Variants in SETD2 observed in about 807,000 individuals in gnomAD.
SETD2 encodes the protein SET domain containing 2, histone lysine methyltransferase.
SETD2 carries 31 observed loss-of-function variants against 242.1 expected under a neutral mutation model. The ratio of observed to expected loss-of-function variants is 0.13; its 90% CI spans 0.10 to 0.17. SETD2 has a LOEUF of 0.17. Among genes scored for constraint, SETD2 ranks in the 10% least tolerant of loss-of-function variants. SETD2 has a pLI of 1.00. For missense variants in SETD2, 2,481 were observed against 3,046.3 expected, an observed-to-expected ratio of 0.81 and a Z score of 4.37; for synonymous variants, 1,006 against 1,066.5, an observed-to-expected ratio of 0.94 and a Z score of 1.11.
rs2038030147 is a variant in SETD2 at position 47,017,465 on chromosome 3, TGTC to T, written c.7533+170_7533+172del. ...TGAAAATTTCTTAGAGAACTACTGCTGTCATGTAAGGTACGCATCCCTCCCCAA... is the reference window on the plus strand; with the variant it reads ...TGAAAATTTCTTAGAGAACTACTGCTATGTAAGGTACGCATCCCTCCCCAA... On this transcript the variant is annotated intron_variant, in intron 20 of 20. Transcript: ENST00000409792. The surrounding 1 kb of genome is among the most constrained non-coding windows in gnomAD (Gnocchi z 4.8). 6.6e-6 allele frequency among the ~76,000 whole-genome samples: 1 copy of T among 152,010 alleles called. No individual in the cohort carries two copies. Among genetic ancestry groups the T allele is most frequent in the Non-Finnish European group, 1.5e-5 (1 of 67,996 alleles).
Position 47,105,930 on chromosome 3 carries a change from A to G in SETD2, c.4839+67T>C, listed in dbSNP as rs775201782. On this transcript the variant is annotated intron_variant, in intron 6 of 20. Transcript: ENST00000409792. ...AAAAAAAAAAAAAAAAAAAAATCAAATCAGTATCAATGGCTCCTTCAAACC... is the reference window on the plus strand; with the variant it reads ...AAAAAAAAAAAAAAAAAAAAATCAAGTCAGTATCAATGGCTCCTTCAAACC... The G allele has an allele frequency of 2.7e-6, 4 of 1,485,414 alleles. No individual in the cohort carries two copies. The East Asian group carries it at 6.9e-5, about 26-fold the overall frequency. 92.0% of individuals were successfully genotyped at this position (1,485,414 alleles called of 1,614,324 possible).
intron 15 of SETD2, among the ~76,000 whole-genome samples, chr3:47,052,615 G>C (rs1203195222): frequency 6.6e-6 from 1 of 152,018 alleles, no homozygotes; most frequent in South Asian, 2.1e-4. Flanking sequence ...TCAGGAGTTC[G>C]AGACCAGCCT....
chr3:47,095,125 T>C (rs1403448289), intron 9 of SETD2, among the ~76,000 whole-genome samples: 3 of 152,130 alleles, frequency 2.0e-5, no homozygotes, highest in Non-Finnish European at 2.9e-5. Flanking sequence ...GAAACAGCCA[T>C]TGGGAAGTTT....
At chr3:47,143,772 G>T (rs985982627) in intron 1 of SETD2, among the ~76,000 whole-genome samples, 1 of 151,778 alleles carries the variant, frequency 6.6e-6, no homozygotes, top group Non-Finnish European at 1.5e-5. Flanking sequence ...GTGCAGTGGC[G>T]CGATCTCGGC....
chr3:47,031,901 AT>A (rs1419415838), intron 18 of SETD2, among the ~76,000 whole-genome samples: 1 of 152,200 alleles, frequency 6.6e-6, no homozygotes, highest in Non-Finnish European at 1.5e-5. Context: ...CAATAATATA[AT>A]TTTTTGTGAA....
chr3:47,035,589 C>T (rs2038960946), intron 18 of SETD2, among the ~76,000 whole-genome samples: 1 of 152,106 alleles, frequency 6.6e-6, no homozygotes, highest in Non-Finnish European at 1.5e-5. Context: ...GAACTTCATG[C>T]CCATTCCTCA....
At chr3:47,031,399 C>T (rs2038764097) in intron 18 of SETD2, among the ~76,000 whole-genome samples, 3 of 152,170 alleles carry the variant, frequency 2.0e-5, no homozygotes, top group South Asian at 2.1e-4. Context: ...TTCAATTTTG[C>T]TATGCCAAAA....
At chr3:47,038,606 A>G (rs1443879407) in intron 17 of SETD2, among the ~76,000 whole-genome samples, 1 of 151,756 alleles carries the variant, frequency 6.6e-6, no homozygotes, top group African/African-American at 2.4e-5. Context: ...CAAGAGTGAA[A>G]CTCTGTCTTA....
chr3:47,085,279 C>T (rs1008512621), intron 11 of SETD2, among the ~76,000 whole-genome samples: 6 of 152,182 alleles, frequency 3.9e-5, no homozygotes, highest in Admixed American at 1.3e-4. Flanking sequence ...TAAACATATA[C>T]ACTACTGGAC....
Position 47,106,493 on chromosome 3 carries a change from T to TAAAAAAAAAAAAAAAAAAAA in SETD2, c.4716-393_4716-374dup, listed in dbSNP as rs766455577. Among the ~76,000 whole-genome samples the TAAAAAAAAAAAAAAAAAAAA allele has an allele frequency of 3.5e-5, 2 of 57,264 alleles. 1 individual carries two copies. The highest frequency in any genetic ancestry group is 1.3e-4 in the African/African-American group (2 of 14,920). 37.6% of individuals were successfully genotyped at this position (57,264 alleles called of 152,430 possible). On this transcript the variant is annotated intron_variant, in intron 5 of 20. Transcript: ENST00000409792. ...CTGAAAAGTTAGAGGATTTTTGCTC[T>TAAAAAAAAAAAAAAAAAAAA]AAAAAAAAAAAAAAAAAAAAAAAAA... is the stretch of plus-strand genomic sequence containing the variant.
At chr3:47,154,510 C>G (rs906634268) in intron 1 of SETD2, among the ~76,000 whole-genome samples, 3 of 151,904 alleles carry the variant, frequency 2.0e-5, no homozygotes, top group African/African-American at 7.3e-5. Flanking sequence ...TAATATGACT[C>G]CATTTGTGTA....
intron 1 of SETD2, among the ~76,000 whole-genome samples, chr3:47,132,427 C>A (rs925527517): frequency 6.6e-6 from 1 of 152,062 alleles, no homozygotes; most frequent in African/African-American, 2.4e-5. Context: ...GTGGAAGTTA[C>A]AGTGAGCAGA....
intron 9 of SETD2, among the ~76,000 whole-genome samples, chr3:47,096,654 G>T (rs2042019281): frequency 6.6e-6 from 1 of 151,948 alleles, no homozygotes; most frequent in African/African-American, 2.4e-5. Flanking sequence ...AGGCCAAGGT[G>T]AGAGGATCAC....
intron 1 of SETD2, among the ~76,000 whole-genome samples, chr3:47,136,588 G>A (rs894645814): frequency 6.6e-6 from 1 of 152,060 alleles, no homozygotes; most frequent in Non-Finnish European, 1.5e-5. Flanking sequence ...CTAAACAATG[G>A]GTACACATGG....
Position 47,121,083 on chromosome 3 carries a change from T to C in SETD2, c.3553A>G (p.Asn1185Asp), listed in dbSNP as rs2106639634. The change falls in exon 3 of 21, where the codon AAT (asparagine) becomes GAT (aspartate). Residue 1185 changes from asparagine (N) to aspartate (D), a missense_variant. By Grantham distance (23) the Asn-to-Asp change is conservative. This residue lies in a region of SETD2 where 1,300 missense variants were observed against 1,259.2 expected (regional missense o/e 1.03). Transcript: ENST00000409792. ...DVKSDPLGHP[N>D]SEETVKAKIP... ...TTGGCTTTCACGGTTTCCTCTGAAT[T>C]TGGGTGACCCAGAGGGTCAGATTTC... 1.2e-6 allele frequency: 2 copies of C among 1,614,018 alleles called. No individual in the cohort carries two copies. Among genetic ancestry groups the C allele is most frequent in the Non-Finnish European group, 1.7e-6 (2 of 1,179,914 alleles).
chr3:47,144,015 A>G lies in SETD2; in HGVS notation c.72-17352T>C, dbSNP rs1434728855. Among the ~76,000 whole-genome samples the G allele has an allele frequency of 2.0e-5, 3 of 152,136 alleles. No homozygotes were observed. The East Asian group carries it at 5.8e-4, about 29-fold the overall frequency. On this transcript the variant is annotated intron_variant, in intron 1 of 20. Transcript: ENST00000409792. The stretch of plus-strand genomic sequence containing the variant: ...ATGAGCCACTGCGCCCGGCCACATT[A>G]CACCAGAACTTAAGAAAATGCAGTT...
rs115927459 is a variant in SETD2, at chr3:47,120,625, T to C, written c.4011A>G (p.Glu1337=). 1.3e-4 allele frequency: 205 copies of C among 1,614,146 alleles called. 2 individuals are homozygous for C. In the African/African-American group the frequency reaches 2.5e-3, roughly 20 times the overall value. The change falls in exon 3 of 21, where the codon GAA becomes GAG. Residue 1337 remains glutamate, a synonymous_variant. Coordinates refer to ENST00000409792, the MANE Select transcript of SETD2 (RefSeq NM_014159.7). ...CATCCTGTTGATCCCAATTCTCCTCTTCTTCACGATCATCTGTTAGGGAAT... is the reference window on the plus strand; with the variant it reads ...CATCCTGTTGATCCCAATTCTCCTCCTCTTCACGATCATCTGTTAGGGAAT... ...VPDSLTDDRE[E]EENWDQQDGS...
intron 1 of SETD2, among the ~76,000 whole-genome samples, chr3:47,149,045 CA>C (rs1244519655): frequency 6.6e-6 from 1 of 152,142 alleles, no homozygotes; most frequent in Admixed American, 6.6e-5. Context: ...AGGAAAGAAC[CA>C]ATTCAAATAC....
At chr3:47,050,040 C>T (rs578161846) in intron 15 of SETD2, among the ~76,000 whole-genome samples, 20 of 147,884 alleles carry the variant, frequency 1.4e-4, no homozygotes, top group African/African-American at 4.2e-4. Flanking sequence ...GAAAAACATA[C>T]ATTTTGATAG....
Sources: gnomAD v4.1 joint callset for allele counts (sites outside exome capture counted in the v4.1 genomes callset) on GRCh38, gnomAD v4.1.1 for gene constraint, gnomAD v4.1.1 regional missense constraint, Gnocchi (gnomAD v3.1) non-coding constraint, MANE v1.5 for transcripts, NCBI Gene and HGNC (gene_info 2026-07-23, HGNC 2026-07-21) for gene names.